The following TYW1B variants were observed in gnomAD, a reference collection of about 807,000 sequenced individuals.
The protein encoded by TYW1B is S-adenosyl-L-methionine-dependent tRNA 4-demethylwyosine synthase TYW1B.
TYW1B carries 73 observed loss-of-function variants against 86.9 expected under a neutral mutation model. The observed-to-expected ratio is 0.84, with a 90% CI of 0.70 to 1.02. TYW1B has a LOEUF of 1.02. Among genes scored for constraint, TYW1B ranks in the 50% least tolerant of loss-of-function variants. TYW1B has a pLI of 0.00. For synonymous variants in TYW1B, 248 were observed against 292.8 expected (o/e 0.85, Z 1.56); for missense variants, 637 against 827.4 (o/e 0.77, Z 2.82).
intron 11 of TYW1B, among the ~76,000 whole-genome samples, chr7:72,656,276 A>G (rs565314517): frequency 6.6e-6 from 1 of 152,252 alleles, no homozygotes; most frequent in East Asian, 1.9e-4. Flanking sequence ...CTACTACCCA[A>G]CCAACAGTAT....
At chr7:72,773,862 C>T (rs1370751418) in intron 7 of TYW1B, among the ~76,000 whole-genome samples, 9 of 151,926 alleles carry the variant, frequency 5.9e-5, no homozygotes, top group South Asian at 2.1e-4. Context: ...GTCAGGAGTT[C>T]GAGAACAGTC....
At chr7:72,727,422 A>G (rs1554458929) in intron 9 of TYW1B, among the ~76,000 whole-genome samples, 2 of 152,294 alleles carry the variant, frequency 1.3e-5, no homozygotes, top group South Asian at 2.1e-4. Context: ...ACAAATTCCA[A>G]TTCATCACCT....
intron 8 of TYW1B, among the ~76,000 whole-genome samples, chr7:72,731,393 CAAAAAAAAA>C (rs59262388): frequency 3.0e-5 from 1 of 33,060 alleles, no homozygotes; most frequent in African/African-American, 1.4e-4. Context: ...TACCAAACTG[CAAAAAAAAA>C]AAAAAAAAAA....
intron 13 of TYW1B, among the ~76,000 whole-genome samples, chr7:72,615,552 A>G (rs576593974): frequency 4.3e-4 from 66 of 152,304 alleles, no homozygotes; most frequent in Non-Finnish European, 8.8e-4. Flanking sequence ...ACAGGTAACA[A>G]CAAGGCACTG....
At chr7:72,635,386 C>T (rs1332350025) in intron 11 of TYW1B, among the ~76,000 whole-genome samples, 10 of 152,072 alleles carry the variant, frequency 6.6e-5, no homozygotes, top group African/African-American at 1.4e-4. Context: ...GATTCTGCAC[C>T]GCAGGGGACA....
intron 11 of TYW1B, among the ~76,000 whole-genome samples, chr7:72,630,142 G>T (rs1215513196): frequency 6.6e-6 from 1 of 152,098 alleles, no homozygotes; most frequent in Admixed American, 6.6e-5. Flanking sequence ...AGCCAGGCGT[G>T]GCGGCGTGCA....
rs535991233 is a variant in TYW1B, at chr7:72,598,286, T to C, written c.1785+18386A>G. 2.1e-3 allele frequency among the ~76,000 whole-genome samples: 325 copies of C among 152,240 alleles called. 2 individuals are homozygous for C. Among genetic ancestry groups the C allele is most frequent in the African/African-American group, 7.5e-3 (312 of 41,546 alleles). The stretch of plus-strand genomic sequence containing the variant: ...CCCTCGAACATCGGACTCCAAGTTC[T>C]TCAGGTTTGGGACTCATACTGGCTC... On this transcript the variant is annotated intron_variant, in intron 13 of 13. Coordinates refer to ENST00000620995, the MANE Select transcript of TYW1B (RefSeq NM_001145440.3).
At chr7:72,639,727 G>A (rs1554441265) in intron 11 of TYW1B, among the ~76,000 whole-genome samples, 4 of 152,156 alleles carry the variant, frequency 2.6e-5, no homozygotes, top group East Asian at 3.9e-4. Flanking sequence ...ATAGCCAGGC[G>A]TGGTGGCACG....
At chr7:72,623,689 A>G (rs1183560254) in intron 12 of TYW1B, among the ~76,000 whole-genome samples, 4 of 152,148 alleles carry the variant, frequency 2.6e-5, no homozygotes, top group Non-Finnish European at 5.9e-5. Context: ...TTTTCATAAC[A>G]GATTCACTTC....
intron 11 of TYW1B, among the ~76,000 whole-genome samples, chr7:72,682,967 G>A (rs1159315005): frequency 6.6e-6 from 1 of 152,186 alleles, no homozygotes; most frequent in African/African-American, 2.4e-5. Context: ...AATATACAGG[G>A]GGAAATCCCT....
rs1326622483 is a variant in TYW1B at position 72,828,167 on chromosome 7, G to A, written c.-92C>T. 3.8e-6 allele frequency: 6 copies of A among 1,589,272 alleles called. No individual in the cohort carries two copies. Among genetic ancestry groups the A allele is most frequent in the Non-Finnish European group, 5.1e-6 (6 of 1,167,710 alleles). ...GCGAGACGCACCGAGCTACCTCGCG[G>A]CGTTAGCGCCGTACCGAGTGGCTGC... On this transcript the variant is annotated 5_prime_UTR_variant, in exon 1 of 14. Transcript: ENST00000620995.
chr7:72,689,754 T>C (rs1814096218), intron 11 of TYW1B, among the ~76,000 whole-genome samples: 1 of 152,210 alleles, frequency 6.6e-6, no homozygotes, highest in African/African-American at 2.4e-5. Flanking sequence ...ACTTCAAATG[T>C]TAATTACTGT....
At chr7:72,688,715 C>T (rs1308747584) in intron 11 of TYW1B, among the ~76,000 whole-genome samples, 7 of 152,158 alleles carry the variant, frequency 4.6e-5, no homozygotes, top group East Asian at 3.9e-4. Context: ...CGATCTACCC[C>T]GGTATTCCTT....
At chr7:72,676,728 G>A (rs2129569833) in intron 11 of TYW1B, among the ~76,000 whole-genome samples, 1 of 152,316 alleles carries the variant, frequency 6.6e-6, no homozygotes, top group East Asian at 1.9e-4. Context: ...GGGAGGCCGA[G>A]GCGGTGGATT....
In TYW1B at chr7:72,705,749, C is replaced by G. The variant is rs191453463; in HGVS notation, c.1370+7872G>C. ...TGCTGTTACAGGATTCAAATGTCCA[C>G]AAGATAAGAACAAACCAGTTCTCTG... On this transcript the variant is annotated intron_variant, in intron 10 of 13. Transcript: ENST00000620995. Among the ~76,000 whole-genome samples, 1,060 of 152,244 alleles carry G rather than the reference C, an allele frequency of 7.0e-3. 10 individuals are homozygous for G. Among genetic ancestry groups the G allele is most frequent in the African/African-American group, 0.023 (965 of 41,544 alleles).
chr7:72,701,887 C>CACCCAGG, intron 10 of TYW1B, among the ~76,000 whole-genome samples: 1 of 152,262 alleles, frequency 6.6e-6, no homozygotes, highest in East Asian at 1.9e-4. Context: ...ATGTTCTCAT[C>CACCCAGG]ACCCAGGCAG....
chr7:72,604,476 T>A (rs571659413), intron 13 of TYW1B, among the ~76,000 whole-genome samples: 263 of 151,886 alleles, frequency 1.7e-3, no homozygotes, highest in Non-Finnish European at 2.9e-3. Flanking sequence ...AATAAAAAAA[T>A]TTTTAAAAAT....
intron 8 of TYW1B, among the ~76,000 whole-genome samples, chr7:72,740,056 AC>A (rs1787274271): frequency 6.9e-6 from 1 of 144,848 alleles, no homozygotes; most frequent in South Asian, 2.3e-4. Flanking sequence ...ACACCGTGAA[AC>A]CCCATCTCTA....
intron 13 of TYW1B, among the ~76,000 whole-genome samples, chr7:72,607,062 C>T (rs1239591375): frequency 1.4e-4 from 21 of 152,074 alleles, no homozygotes; most frequent in Admixed American, 1.4e-3. Context: ...TTTAAAGCAG[C>T]CATCACAAAT....
Sources: allele counts gnomAD v4.1 joint callset (sites outside exome capture counted in the v4.1 genomes callset), GRCh38; gene constraint gnomAD v4.1.1; transcripts MANE v1.5; gene names NCBI Gene and HGNC (gene_info 2026-07-23, HGNC 2026-07-21).